Variants in WNT9B observed in about 807,000 individuals in gnomAD.
WNT9B encodes protein Wnt-9b.
A neutral mutation model predicts 30.2 loss-of-function variants in WNT9B; 12 were observed. The ratio of observed to expected loss-of-function variants is 0.40; its 90% CI spans 0.26 to 0.64. WNT9B has a LOEUF of 0.64. Among genes scored for constraint, WNT9B ranks in the 30% least tolerant of loss-of-function variants. WNT9B has a pLI of 0.42. For missense variants in WNT9B, 442 were observed against 485.2 expected (o/e 0.91, Z 0.84); for synonymous variants, 218 against 216.9 (o/e 1.01, Z -0.05).
In WNT9B at chr17:46,876,706, C is replaced by T; in HGVS notation, c.1062C>T (p.Thr354=). Residue 354 remains threonine (T), a synonymous_variant, in exon 4 of 4, where the codon ACC becomes ACT. Coordinates refer to ENST00000290015, the MANE Select transcript of WNT9B (RefSeq NM_003396.3). Reference sequence around the variant, plus strand: ...GTGTGCAGGAGGAGCTTGTGTACACCTGCAAGCACTAGGCCTACTGCCCAG... The same window carrying T: ...GTGTGCAGGAGGAGCTTGTGTACACTTGCAAGCACTAGGCCTACTGCCCAG... ...QQCVQEELVY[T]CKH The T allele has an allele frequency of 1.3e-6, 2 of 1,551,920 alleles. No homozygotes were observed.
At chr17:46,839,989 CTTTT>C (rs1361995902) in intron 1 of WNT9B, among the ~76,000 whole-genome samples, 189 of 115,940 alleles carry the variant, frequency 1.6e-3, no homozygotes, top group African/African-American at 4.1e-3. Flanking sequence ...TTCTTTCTTT[CTTTT>C]TTCTTTCTTC....
downstream of WNT9B, among the ~76,000 whole-genome samples, chr17:46,883,764 T>G (rs2085455063): frequency 6.6e-6 from 1 of 152,152 alleles, no homozygotes; most frequent in African/African-American, 2.4e-5. Flanking sequence ...GGGCGACTGG[T>G]GGCATCTTCC....
At chr17:46,862,080 T>C (rs571314204) in intron 1 of WNT9B, among the ~76,000 whole-genome samples, 1 of 151,122 alleles carries the variant, frequency 6.6e-6, no homozygotes, top group South Asian at 2.1e-4. Context: ...AGAGAATTGC[T>C]TGAACCTGGG....
Position 46,877,177 on chromosome 17 carries a change from T to G in WNT9B, c.*459T>G. On this transcript the variant is annotated 3_prime_UTR_variant, in exon 4 of 4. Transcript: ENST00000290015. Reference sequence around the variant, plus strand: ...AGTGAAGGCGGGAGCCTGGCTGAGATGGGTCAATCGGGTCCTGTGGCCCTG... The same window carrying G: ...AGTGAAGGCGGGAGCCTGGCTGAGAGGGGTCAATCGGGTCCTGTGGCCCTG... 1.3e-6 allele frequency: 1 copy of G among 761,690 alleles called. No homozygotes were observed. The highest frequency in any genetic ancestry group is 1.6e-6 in the Non-Finnish European group (1 of 625,748). 47.2% of individuals were successfully genotyped at this position (761,690 alleles called of 1,614,324 possible). A position where few individuals can be genotyped will look rare whatever the true frequency, so the allele number is the denominator to read the frequency against.
At chr17:46,882,718 G>A (rs1458312417), downstream of WNT9B, among the ~76,000 whole-genome samples, 4 of 152,116 alleles carry the variant, frequency 2.6e-5, no homozygotes, top group African/African-American at 9.7e-5. Flanking sequence ...TCTTGCAACC[G>A]ATCATGCAGC....
intron 1 of WNT9B, among the ~76,000 whole-genome samples, chr17:46,845,224 C>CGTA (rs1401418051): frequency 4.6e-5 from 7 of 152,248 alleles, no homozygotes; most frequent in African/African-American, 1.7e-4. Context: ...AACACCCCAA[C>CGTA]GTAGAGTCTT....
At chr17:46,845,485 ATTTTT>A (rs34586359) in intron 1 of WNT9B, among the ~76,000 whole-genome samples, 3 of 121,380 alleles carry the variant, frequency 2.5e-5, no homozygotes, top group Non-Finnish European at 3.4e-5. Context: ...AGTTATCTGA[ATTTTT>A]TTTTTTTTTT....
At chr17:46,886,055 C>T (rs2085485171) in exon 5 of WNT9B, 1 of 152,314 alleles carries the variant, frequency 6.6e-6, no homozygotes, top group African/African-American at 2.4e-5. Flanking sequence ...AGGTGGTCCC[C>T]TGCCTCAGCT....
In WNT9B at chr17:46,878,265, C is replaced by G. The variant is rs753853060; in HGVS notation, c.*1547C>G. 6.6e-6 allele frequency among the ~76,000 whole-genome samples: 1 copy of G among 152,232 alleles called. No individual in the cohort carries two copies. The highest frequency in any genetic ancestry group is 2.4e-5 in the African/African-American group (1 of 41,472). ...TCCTTTCTCCCTAAACCTAGAGTTG[C>G]TGACCCTTCACCAACACAGGAAATT... is the stretch of plus-strand genomic sequence containing the variant. On this transcript the variant is annotated 3_prime_UTR_variant, in exon 4 of 4. Coordinates refer to ENST00000290015, the MANE Select transcript of WNT9B (RefSeq NM_003396.3).
At chr17:46,873,912 C>A (rs2085298164) in intron 2 of WNT9B, among the ~76,000 whole-genome samples, 1 of 151,678 alleles carries the variant, frequency 6.6e-6, no homozygotes, top group Non-Finnish European at 1.5e-5. Context: ...TTGCTTGAAC[C>A]CGGGAGGTGG....
At position 46,873,108 on chromosome 17, in the gene WNT9B, A is replaced by G. The variant is rs951010217; in HGVS notation, c.334+335A>G. ...TCTTCACACACACACACACACACAC[A>G]CACACACACACACACACACACACAC... On this transcript the variant is annotated intron_variant, in intron 2 of 3. Coordinates refer to ENST00000290015, the MANE Select transcript of WNT9B (RefSeq NM_003396.3). Among the ~76,000 whole-genome samples the G allele has an allele frequency of 2.6e-5, 4 of 151,428 alleles. No homozygotes were observed. The East Asian group carries it at 7.9e-4, about 30-fold the overall frequency.
intron 1 of WNT9B, among the ~76,000 whole-genome samples, chr17:46,867,383 C>T (rs2085156796): frequency 6.6e-6 from 1 of 152,250 alleles, no homozygotes; most frequent in Admixed American, 6.5e-5. Context: ...TGGCTCCAGC[C>T]ATCCCCTCTC....
At chr17:46,881,842 C>A (rs2085426862), downstream of WNT9B, among the ~76,000 whole-genome samples, 1 of 152,188 alleles carries the variant, frequency 6.6e-6, no homozygotes, top group African/African-American at 2.4e-5. Flanking sequence ...CACCAAGACA[C>A]TTACATACTT....
chr17:46,884,342 C>T (rs757365729), downstream of WNT9B, among the ~76,000 whole-genome samples: 68 of 152,334 alleles, frequency 4.5e-4, 1 homozygote, highest in South Asian at 1.9e-3. Context: ...GATGTCAGAG[C>T]TGCGCAGGTG....
chr17:46,858,240 T>C (rs545676151), intron 1 of WNT9B, among the ~76,000 whole-genome samples: 3 of 152,314 alleles, frequency 2.0e-5, no homozygotes, highest in Admixed American at 6.5e-5. Flanking sequence ...GTTCTTTATA[T>C]ATTTTGGATA....
downstream of WNT9B, among the ~76,000 whole-genome samples, chr17:46,883,726 C>T (rs759086553): frequency 4.8e-4 from 73 of 152,178 alleles, no homozygotes; most frequent in South Asian, 8.3e-4. Flanking sequence ...GACAGAGAGA[C>T]GGGGTATGAG....
rs1286219229 is a variant in WNT9B, at chr17:46,878,655, G to A, written c.*1937G>A. Among the ~76,000 whole-genome samples, 1 of 152,058 alleles carries A rather than the reference G, an allele frequency of 6.6e-6. No homozygotes were observed. The highest frequency in any genetic ancestry group is 2.4e-5 in the African/African-American group (1 of 41,396). ...CTTGCTCCTCCGAGACCCCAACTCT[G>A]CCTCCACCCAGGCTCAGTGCTGGGC... On this transcript the variant is annotated 3_prime_UTR_variant, in exon 4 of 4. Transcript: ENST00000290015.
At chr17:46,836,915 G>A (rs574378035) in intron 1 of WNT9B, among the ~76,000 whole-genome samples, 1 of 152,316 alleles carries the variant, frequency 6.6e-6, no homozygotes, top group South Asian at 2.1e-4. Context: ...GAAGAACTCA[G>A]CATAGGACCC....
chr17:46,884,425 G>C (rs2085464810), downstream of WNT9B, among the ~76,000 whole-genome samples: 1 of 152,144 alleles, frequency 6.6e-6, no homozygotes, highest in Non-Finnish European at 1.5e-5. Flanking sequence ...GGCGTGAGGG[G>C]GCACACAGGA....
Sources: gnomAD v4.1 joint callset for allele counts (sites outside exome capture counted in the v4.1 genomes callset) on GRCh38, gnomAD v4.1.1 for gene constraint, MANE v1.5 for transcripts, NCBI Gene and HGNC (gene_info 2026-07-23, HGNC 2026-07-21) for gene names.